The following WDR49 variants were observed in gnomAD, a reference collection of about 807,000 sequenced individuals.
WDR49 encodes the protein cilia- and flagella-associated protein 337.
In WDR49, 107 loss-of-function variants were observed where a neutral mutation model predicts 119.5. The observed-to-expected ratio is 0.90, with a 90% CI of 0.77 to 1.05. The LOEUF is 1.05. Among genes scored for constraint, WDR49 ranks in the 50% least tolerant of loss-of-function variants. The pLI is 0.00. For synonymous variants in WDR49, 425 were observed against 418.8 expected, an observed-to-expected ratio of 1.01 and a Z score of -0.18; for missense variants, 1,240 against 1,220.5, an observed-to-expected ratio of 1.02 and a Z score of -0.24.
chr3:167,613,831 G>C (rs1020485779), intron 5 of WDR49, among the ~76,000 whole-genome samples: 14 of 151,636 alleles, frequency 9.2e-5, no homozygotes, highest in Non-Finnish European at 1.5e-5. Flanking sequence ...TGTAATCCCA[G>C]GTACTCGGGA....
At chr3:167,527,223 C>T (rs1306272290) in intron 15 of WDR49, among the ~76,000 whole-genome samples, 1 of 152,104 alleles carries the variant, frequency 6.6e-6, no homozygotes, top group Non-Finnish European at 1.5e-5. Flanking sequence ...CTCTCTGTGC[C>T]TCTGTTTCCT....
upstream of WDR49, among the ~76,000 whole-genome samples, chr3:167,656,696 G>T (rs1334277737): frequency 6.6e-6 from 1 of 152,152 alleles, no homozygotes. Context: ...GATCATAAAG[G>T]CTTAAATGGC....
chr3:167,596,597 A>C (rs1484225461), intron 7 of WDR49, among the ~76,000 whole-genome samples: 1 of 149,360 alleles, frequency 6.7e-6, no homozygotes, highest in Non-Finnish European at 1.5e-5. Context: ...GGAAATCATC[A>C]TTCTCAGTAA....
At chr3:167,654,817 T>C (rs558517013), upstream of WDR49, among the ~76,000 whole-genome samples, 4 of 151,140 alleles carry the variant, frequency 2.6e-5, no homozygotes, top group African/African-American at 9.7e-5. Flanking sequence ...AAGGATCCCT[T>C]GAACCTGGGG....
intron 16 of WDR49, among the ~76,000 whole-genome samples, chr3:167,515,389 C>T (rs1752159000): frequency 6.6e-6 from 1 of 152,186 alleles, no homozygotes; most frequent in Admixed American, 6.6e-5. Context: ...ACAAAAACCA[C>T]ATGATTACCT....
At chr3:167,519,892 AG>A (rs1435157469) in intron 16 of WDR49, among the ~76,000 whole-genome samples, 1 of 152,178 alleles carries the variant, frequency 6.6e-6, no homozygotes, top group Non-Finnish European at 1.5e-5. Flanking sequence ...AAGTCAGGAA[AG>A]AAGAGTTCAA....
intron 5 of WDR49, among the ~76,000 whole-genome samples, chr3:167,604,819 C>G (rs1715967138): frequency 6.6e-6 from 1 of 152,076 alleles, no homozygotes; most frequent in African/African-American, 2.4e-5. Context: ...TGTGAGGGCA[C>G]AGGTGGAAGG....
rs1750777458 is a variant in WDR49 at position 167,482,899 on chromosome 3, T to C, written c.3032-3903A>G. Reference sequence around the variant, plus strand: ...AAGGAGAAAGAAACCTTGTTTATGATAAATCAGAGACAAAGAATAACACTG... The same window carrying C: ...AAGGAGAAAGAAACCTTGTTTATGACAAATCAGAGACAAAGAATAACACTG... On this transcript the variant is annotated intron_variant, in intron 18 of 18. Transcript: ENST00000682715. 2.0e-5 allele frequency among the ~76,000 whole-genome samples: 3 copies of C among 152,238 alleles called. No individual in the cohort carries two copies. The South Asian group carries it at 6.2e-4, about 32-fold the overall frequency.
In WDR49 at chr3:167,522,425, C is replaced by T. The variant is rs1273417134; in HGVS notation, c.2664G>A (p.Val888=). ...LFLPKRDTNL[V]ESEIQKEISL... ...AAATTTCCTTTTGAATCTCACTTTC[C>T]ACTAAATTAGTATCTCTTTTAGGAA... Residue 888 remains valine, a synonymous_variant, in exon 16 of 19, where the codon GTG becomes GTA. Transcript: ENST00000682715. The T allele has an allele frequency of 6.2e-7, 1 of 1,611,142 alleles. No homozygotes were observed. Among genetic ancestry groups the T allele is most frequent in the African/African-American group, 1.3e-5 (1 of 74,722 alleles).
intron 7 of WDR49, among the ~76,000 whole-genome samples, chr3:167,582,606 C>G (rs1335440979): frequency 6.6e-6 from 1 of 152,000 alleles, no homozygotes; most frequent in Admixed American, 6.6e-5. Flanking sequence ...TTAAAAGAGG[C>G]AAAACATTGT....
chr3:167,515,782 A>G (rs1021220132), intron 16 of WDR49, among the ~76,000 whole-genome samples: 12 of 152,188 alleles, frequency 7.9e-5, no homozygotes, highest in Non-Finnish European at 1.2e-4. Flanking sequence ...TAACTTCAGC[A>G]AAGACTCAGG....
chr3:167,530,307 G>T (rs991941114), intron 13 of WDR49, among the ~76,000 whole-genome samples: 2 of 151,756 alleles, frequency 1.3e-5, no homozygotes, highest in African/African-American at 4.8e-5. Flanking sequence ...TATATGTCTA[G>T]TTCCTAATGT....
chr3:167,571,857 T>C (rs1159090389), intron 8 of WDR49, among the ~76,000 whole-genome samples: 1 of 152,220 alleles, frequency 6.6e-6, no homozygotes, highest in Non-Finnish European at 1.5e-5. Flanking sequence ...ATTTACTCTA[T>C]TAAAATTTGA....
At position 167,635,261 on chromosome 3, in the gene WDR49, C is replaced by A. The variant is rs74934588; in HGVS notation, c.166-7969G>T. Among the ~76,000 whole-genome samples the A allele has an allele frequency of 8.3e-3, 1,262 of 151,750 alleles. 92 individuals are homozygous for A. The East Asian group carries it at 0.17, about 21-fold the overall frequency. On this transcript the variant is annotated intron_variant, in intron 2 of 18. Coordinates refer to ENST00000682715, the MANE Select transcript of WDR49 (RefSeq NM_001366157.1). ...TTGTTTTTATATATTTTGCCAAATT[C>A]TCTTCTAAAAGGTTAAATAAATTTA...
chr3:167,594,819 G>A lies in WDR49; in HGVS notation c.1275+7308C>T, dbSNP rs575289515. On this transcript the variant is annotated intron_variant, in intron 7 of 18. Coordinates refer to ENST00000682715, the MANE Select transcript of WDR49 (RefSeq NM_001366157.1). ...TTGAAAACTGGCACAAGACAGGGAT[G>A]CCCTCTCTCACCACTCCTATTCAAC... is the stretch of plus-strand genomic sequence containing the variant. 2.0e-5 allele frequency among the ~76,000 whole-genome samples: 3 copies of A among 150,016 alleles called. No homozygotes were observed. The South Asian group carries it at 6.5e-4, about 32-fold the overall frequency.
intron 17 of WDR49, among the ~76,000 whole-genome samples, chr3:167,503,470 A>T (rs970391879): frequency 6.6e-6 from 1 of 152,176 alleles, no homozygotes; most frequent in Non-Finnish European, 1.5e-5. Flanking sequence ...GATTCCAAGG[A>T]ATGGGCCATG....
intron 18 of WDR49, among the ~76,000 whole-genome samples, chr3:167,484,659 T>C (rs113920261): frequency 4.7e-5 from 7 of 149,918 alleles, no homozygotes; most frequent in African/African-American, 1.7e-4. Flanking sequence ...TGATACACTT[T>C]CCATGAAGTA....
chr3:167,551,212 C>T (rs996487890), intron 10 of WDR49, among the ~76,000 whole-genome samples: 3 of 151,968 alleles, frequency 2.0e-5, no homozygotes, highest in African/African-American at 7.2e-5. Flanking sequence ...TATTGACCTG[C>T]CTGCCATCCA....
chr3:167,516,312 A>G (rs1328031386), intron 16 of WDR49, among the ~76,000 whole-genome samples: 1 of 129,434 alleles, frequency 7.7e-6, no homozygotes, highest in African/African-American at 3.0e-5. Context: ...ATGTGTTCTC[A>G]TTGTTCAATT....
Sources: allele counts gnomAD v4.1 joint callset (sites outside exome capture counted in the v4.1 genomes callset), GRCh38; gene constraint gnomAD v4.1.1; transcripts MANE v1.5; gene names NCBI Gene and HGNC (gene_info 2026-07-23, HGNC 2026-07-21).